MATCAP2: variants seen among roughly 807,000 people sequenced by gnomAD.
MATCAP2 encodes the protein microtubule associated tyrosine carboxypeptidase 2, also known as putative tyrosine carboxypeptidase MATCAP2.
At chr7:36,327,706 AC>A in the MATCAP2 span, among the ~76,000 whole-genome samples, 1 of 152,382 alleles carries the variant, frequency 6.6e-6, no homozygotes, top group Non-Finnish European at 1.5e-5. Flanking sequence ...CTTTTGGAGC[AC>A]CCACGTGATG....
At chr7:36,387,203 G>C in the MATCAP2 span, among the ~76,000 whole-genome samples, 1 of 152,092 alleles carries the variant, frequency 6.6e-6, no homozygotes, top group South Asian at 2.1e-4. Flanking sequence ...GGATATATAT[G>C]TAGATGTGAT....
At chr7:36,359,750 T>G in the MATCAP2 span, among the ~76,000 whole-genome samples, 3 of 151,900 alleles carry the variant, frequency 2.0e-5, no homozygotes, top group African/African-American at 7.3e-5. Flanking sequence ...TTCTCAGGAG[T>G]TTCATAGACT....
the MATCAP2 span, among the ~76,000 whole-genome samples, chr7:36,379,470 G>C: frequency 6.6e-6 from 1 of 152,126 alleles, no homozygotes; most frequent in Non-Finnish European, 1.5e-5. Flanking sequence ...GTGTCTGTGT[G>C]TGTATGTGTA....
At chr7:36,333,864 GA>G in the MATCAP2 span, 1 of 1,601,284 alleles carries the variant, frequency 6.2e-7, no homozygotes, top group South Asian at 1.1e-5. Context: ...ACCTGGTTGG[GA>G]AGTATCAGTC....
the MATCAP2 span, among the ~76,000 whole-genome samples, chr7:36,388,818 G>C: frequency 6.6e-6 from 1 of 152,192 alleles, no homozygotes; most frequent in African/African-American, 2.4e-5. Flanking sequence ...ACTAGATAGA[G>C]GGCTTGTCAG....
the MATCAP2 span, among the ~76,000 whole-genome samples, chr7:36,347,848 T>TC: frequency 2.6e-5 from 4 of 152,052 alleles, no homozygotes; most frequent in Middle Eastern, 3.4e-3. Flanking sequence ...ATCTAAAACT[T>TC]CCCCCCCAAA....
At chr7:36,332,186 G>A in the MATCAP2 span, among the ~76,000 whole-genome samples, 3 of 151,940 alleles carry the variant, frequency 2.0e-5, no homozygotes, top group Admixed American at 6.6e-5. Flanking sequence ...GAGCCTCCAC[G>A]GGGTGGGTAT....
At chr7:36,366,746 C>T in the MATCAP2 span, 1 of 1,535,348 alleles carries the variant, frequency 6.5e-7, no homozygotes, top group Non-Finnish European at 8.7e-7. Context: ...TTTCTCTCTT[C>T]CCTCCACAGG....
At chr7:36,361,820 A>G in the MATCAP2 span, among the ~76,000 whole-genome samples, 9 of 152,368 alleles carry the variant, frequency 5.9e-5, no homozygotes, top group East Asian at 9.6e-4. Flanking sequence ...ACAGAAGACT[A>G]TACGACAATG....
At chr7:36,356,511 C>A in the MATCAP2 span, 1 of 302,674 alleles carries the variant, frequency 3.3e-6, no homozygotes, top group South Asian at 4.5e-5. Flanking sequence ...AAGAATCTGT[C>A]TCAGAAAAAA....
the MATCAP2 span, chr7:36,324,769 T>C: frequency 6.6e-6 from 1 of 152,230 alleles, no homozygotes. Context: ...GTCTGCAGAG[T>C]GCTCATGTTT....
chr7:36,339,813 AG>A, the MATCAP2 span, among the ~76,000 whole-genome samples: 1 of 152,218 alleles, frequency 6.6e-6, no homozygotes, highest in East Asian at 1.9e-4. Context: ...ATTATCTCTA[AG>A]AAGTATTATG....
chr7:36,366,322 C>T, the MATCAP2 span, among the ~76,000 whole-genome samples: 1 of 152,060 alleles, frequency 6.6e-6, no homozygotes, highest in Non-Finnish European at 1.5e-5. Context: ...GTTCTGTGCT[C>T]CCAGAGATTG....
chr7:36,347,205 T>G, the MATCAP2 span, among the ~76,000 whole-genome samples: 4 of 152,176 alleles, frequency 2.6e-5, no homozygotes, highest in Non-Finnish European at 4.4e-5. Context: ...TTGAAATCAC[T>G]AATCTAGAAA....
chr7:36,347,737 G>T, the MATCAP2 span, among the ~76,000 whole-genome samples: 392 of 152,228 alleles, frequency 2.6e-3, no homozygotes, highest in African/African-American at 9.2e-3. Context: ...TAATTGGTTT[G>T]CCCTCCAACT....
At chr7:36,389,856 G>C in the MATCAP2 span, 1 of 1,237,704 alleles carries the variant, frequency 8.1e-7, no homozygotes, top group Admixed American at 2.0e-5. Flanking sequence ...AACGGCTGCA[G>C]AGGCCGAGTC....
chr7:36,384,435 A>G, the MATCAP2 span, among the ~76,000 whole-genome samples: 7 of 152,308 alleles, frequency 4.6e-5, no homozygotes, highest in African/African-American at 1.7e-4. Flanking sequence ...CCATCTCTAA[A>G]ATAGGAATAA....
At chr7:36,345,774 A>G in the MATCAP2 span, among the ~76,000 whole-genome samples, 7 of 152,200 alleles carry the variant, frequency 4.6e-5, no homozygotes, top group African/African-American at 1.4e-4. Flanking sequence ...GCATAGGCAT[A>G]CATCTTCATG....
At chr7:36,378,839 C>T in the MATCAP2 span, among the ~76,000 whole-genome samples, 1 of 152,242 alleles carries the variant, frequency 6.6e-6, no homozygotes. Context: ...GCTGCTGCCT[C>T]ACAGTTCGAT....
Sources: gnomAD v4.1 joint callset for allele counts (sites outside exome capture counted in the v4.1 genomes callset) on GRCh38, gnomAD v4.1.1 for gene constraint, MANE v1.5 for transcripts, NCBI Gene and HGNC (gene_info 2026-07-23, HGNC 2026-07-21) for gene names.